The following SPIDR variants were observed in gnomAD, a reference collection of about 807,000 sequenced individuals.
The protein encoded by SPIDR is DNA repair-scaffolding protein.
SPIDR carries 93 observed loss-of-function variants against 104.6 expected under a neutral mutation model. The ratio of observed to expected loss-of-function variants is 0.89; its 90% confidence interval spans 0.75 to 1.06. The LOEUF is 1.06. Among genes scored for constraint, SPIDR ranks in the 50% least tolerant of loss-of-function variants. The pLI, the probability that SPIDR is intolerant of heterozygous loss-of-function variation, is 0.00. For synonymous variants in SPIDR, 431 were observed against 416.9 expected (o/e 1.03, Z -0.41); for missense variants, 1,154 against 1,111.2 (o/e 1.04, Z -0.55).
At chr8:47,496,763 T>C (rs1564141579) in intron 8 of SPIDR, among the ~76,000 whole-genome samples, 1 of 151,634 alleles carries the variant, frequency 6.6e-6, no homozygotes, top group Non-Finnish European at 1.5e-5. Context: ...GTTATGAATT[T>C]CTCTTTAAAC....
intron 7 of SPIDR, among the ~76,000 whole-genome samples, chr8:47,422,686 G>A (rs2065748426): frequency 6.6e-6 from 1 of 152,182 alleles, no homozygotes; most frequent in Non-Finnish European, 1.5e-5. Context: ...GAAATCATAT[G>A]TCTTTTGTGT....
chr8:47,291,628 T>C (rs2039922485), intron 4 of SPIDR, among the ~76,000 whole-genome samples: 1 of 152,222 alleles, frequency 6.6e-6, no homozygotes, highest in African/African-American at 2.4e-5. Context: ...TCTAAGAAAC[T>C]CTAAGAGATA....
At chr8:47,559,060 TTG>T in intron 8 of SPIDR, among the ~76,000 whole-genome samples, 1 of 152,320 alleles carries the variant, frequency 6.6e-6, no homozygotes, top group African/African-American at 2.4e-5. Context: ...TTAACATCCT[TTG>T]TGGTTGCTGG....
At chr8:47,321,016 C>A (rs1188446888) in intron 5 of SPIDR, among the ~76,000 whole-genome samples, 1 of 152,118 alleles carries the variant, frequency 6.6e-6, no homozygotes, top group African/African-American at 2.4e-5. Flanking sequence ...TGGAAGCATT[C>A]CCTTTGAAAA....
At chr8:47,308,260 G>A (rs1024747099) in intron 5 of SPIDR, among the ~76,000 whole-genome samples, 2 of 151,428 alleles carry the variant, frequency 1.3e-5, no homozygotes, top group Non-Finnish European at 2.9e-5. Context: ...ATGGGGTTTC[G>A]CCATGTTGCC....
rs115241007 is a variant in SPIDR, at chr8:47,536,930, G to A, written c.1098-58881G>A. ...AAGCTCTGAACAGACAACTCATTAA[G>A]GAGATGTACAGATGGCAGATAATCA... On this transcript the variant is annotated intron_variant, in intron 8 of 19. Transcript: ENST00000297423. Among the ~76,000 whole-genome samples the A allele has an allele frequency of 5.0e-3, 754 of 152,278 alleles. 8 individuals carry two copies. The highest frequency in any genetic ancestry group is 0.017 in the African/African-American group (716 of 41,546).
chr8:47,509,946 A>G (rs1006840546), intron 8 of SPIDR, among the ~76,000 whole-genome samples: 1 of 152,060 alleles, frequency 6.6e-6, no homozygotes, highest in East Asian at 1.9e-4. Flanking sequence ...CACACACTTA[A>G]CACACATCTG....
intron 8 of SPIDR, among the ~76,000 whole-genome samples, chr8:47,452,993 T>C (rs1554707191): frequency 6.6e-6 from 1 of 152,202 alleles, no homozygotes; most frequent in East Asian, 1.9e-4. Flanking sequence ...CTCCTCAAGC[T>C]GATAAGCAGC....
At chr8:47,731,732 T>C (rs2085277396) in intron 19 of SPIDR, among the ~76,000 whole-genome samples, 2 of 152,164 alleles carry the variant, frequency 1.3e-5, no homozygotes, top group Admixed American at 1.3e-4. Context: ...GCCAATTCCT[T>C]GTCTCCTTGT....
chr8:47,495,767 C>A (rs1004487827), intron 8 of SPIDR, among the ~76,000 whole-genome samples: 9 of 152,110 alleles, frequency 5.9e-5, no homozygotes, highest in African/African-American at 1.7e-4. Flanking sequence ...ATATCCAGTT[C>A]TAGCACCATT....
chr8:47,340,497 G>A (rs2050544344), intron 5 of SPIDR, among the ~76,000 whole-genome samples: 1 of 152,140 alleles, frequency 6.6e-6, no homozygotes, highest in African/African-American at 2.4e-5. Flanking sequence ...AGCTACTCAG[G>A]AGTCTGAGGT....
At chr8:47,532,376 G>T (rs1014121560) in intron 8 of SPIDR, among the ~76,000 whole-genome samples, 1 of 152,074 alleles carries the variant, frequency 6.6e-6, no homozygotes, top group African/African-American at 2.4e-5. Flanking sequence ...GCCCAGAGTG[G>T]ATTTAAACAA....
chr8:47,472,350 C>G (rs142501306), intron 8 of SPIDR, among the ~76,000 whole-genome samples: 1 of 152,204 alleles, frequency 6.6e-6, no homozygotes, highest in Non-Finnish European at 1.5e-5. Flanking sequence ...TTGTGTCTGA[C>G]TGACCTGAAG....
chr8:47,454,983 C>G (rs1451652115), intron 8 of SPIDR, among the ~76,000 whole-genome samples: 1 of 152,068 alleles, frequency 6.6e-6, no homozygotes, highest in Non-Finnish European at 1.5e-5. Flanking sequence ...AAAAATGCTA[C>G]AGCAAGTCCT....
intron 1 of SPIDR, among the ~76,000 whole-genome samples, chr8:47,274,833 C>G (rs944229579): frequency 1.2e-4 from 18 of 151,876 alleles, no homozygotes; most frequent in African/African-American, 4.3e-4. Flanking sequence ...CTCAGCCTCC[C>G]AAAGTGCTGG....
intron 8 of SPIDR, among the ~76,000 whole-genome samples, chr8:47,468,909 A>T (rs1193178226): frequency 6.6e-6 from 1 of 152,212 alleles, no homozygotes; most frequent in Non-Finnish European, 1.5e-5. Context: ...TCGACAGCCT[A>T]CAGAAAGGGA....
At chr8:47,551,866 G>A (rs1450922422) in intron 8 of SPIDR, among the ~76,000 whole-genome samples, 3 of 152,094 alleles carry the variant, frequency 2.0e-5, no homozygotes, top group African/African-American at 7.2e-5. Context: ...TGATGTTAGG[G>A]TGTCAATTTT....
At chr8:47,423,067 A>G (rs2065826375) in intron 7 of SPIDR, among the ~76,000 whole-genome samples, 2 of 152,114 alleles carry the variant, frequency 1.3e-5, no homozygotes, top group Non-Finnish European at 2.9e-5. Flanking sequence ...GCAATTTGGG[A>G]AGCCGAAGTG....
chr8:47,463,747 A>C (rs1418659920), intron 8 of SPIDR, among the ~76,000 whole-genome samples: 3 of 152,206 alleles, frequency 2.0e-5, no homozygotes, highest in Non-Finnish European at 4.4e-5. Context: ...ACATTAATGG[A>C]GTGAAGGAGA....
Sources: gnomAD v4.1 joint callset for allele counts (sites outside exome capture counted in the v4.1 genomes callset) on GRCh38, gnomAD v4.1.1 for gene constraint, MANE v1.5 for transcripts, NCBI Gene and HGNC (gene_info 2026-07-23, HGNC 2026-07-21) for gene names.